The following KCNIP4 variants were observed in gnomAD, a reference collection of about 807,000 sequenced individuals.
The protein encoded by KCNIP4 is potassium voltage-gated channel interacting protein 4.
KCNIP4 carries 12 observed loss-of-function variants against 34.0 expected under a neutral mutation model. The ratio of observed to expected loss-of-function variants is 0.35; its 90% CI spans 0.23 to 0.57. KCNIP4 has a LOEUF of 0.57. Among genes scored for constraint, KCNIP4 ranks in the 20% least tolerant of loss-of-function variants. KCNIP4 has a pLI of 0.83. For missense variants in KCNIP4, 238 were observed against 311.7 expected (o/e 0.76, Z 1.78); for synonymous variants, 124 against 102.2 (o/e 1.21, Z -1.29).
intron 1 of KCNIP4, among the ~76,000 whole-genome samples, chr4:21,371,989 G>A (rs1486280468): frequency 6.8e-6 from 1 of 146,726 alleles, no homozygotes; most frequent in Non-Finnish European, 1.5e-5. Flanking sequence ...AACACAATGG[G>A]GATCTCCATA....
intron 1 of KCNIP4, among the ~76,000 whole-genome samples, chr4:21,430,573 T>A (rs1726352821): frequency 6.6e-6 from 1 of 152,134 alleles, no homozygotes; most frequent in South Asian, 2.1e-4. Context: ...TTTAAAAATA[T>A]CACTCAAGTA....
At chr4:21,458,331 T>C (rs1254456661) in intron 1 of KCNIP4, among the ~76,000 whole-genome samples, 1 of 151,932 alleles carries the variant, frequency 6.6e-6, no homozygotes. Flanking sequence ...ACTCATCATA[T>C]TTTATGGCTG....
At chr4:21,671,827 G>A (rs1749522945) in intron 1 of KCNIP4, among the ~76,000 whole-genome samples, 1 of 152,038 alleles carries the variant, frequency 6.6e-6, no homozygotes, top group Non-Finnish European at 1.5e-5. Flanking sequence ...TGATTCCAAG[G>A]AAAAAAGTTA....
intron 1 of KCNIP4, among the ~76,000 whole-genome samples, chr4:21,925,520 T>A (rs1193588332): frequency 1.3e-5 from 2 of 152,276 alleles, no homozygotes; most frequent in East Asian, 1.9e-4. Flanking sequence ...TCTTTGCTAT[T>A]GTGAATAGTG....
chr4:21,701,632 T>G (rs1652469346), intron 1 of KCNIP4, among the ~76,000 whole-genome samples: 1 of 152,172 alleles, frequency 6.6e-6, no homozygotes, highest in African/African-American at 2.4e-5. Flanking sequence ...TTTAGATATA[T>G]TAGAATGTAG....
intron 1 of KCNIP4, among the ~76,000 whole-genome samples, chr4:21,610,177 A>G (rs1216127109): frequency 5.3e-5 from 8 of 152,366 alleles, no homozygotes. Context: ...GTAACAAAAC[A>G]CTACAGAGTG....
intron 1 of KCNIP4, among the ~76,000 whole-genome samples, chr4:21,036,588 T>C (rs769703402): frequency 2.0e-5 from 3 of 152,116 alleles, no homozygotes; most frequent in African/African-American, 7.2e-5. Context: ...TAGCTGGGCA[T>C]GGGGGTGTGT....
intron 3 of KCNIP4, among the ~76,000 whole-genome samples, chr4:20,769,036 C>G (rs999213696): frequency 2.7e-5 from 4 of 147,640 alleles, no homozygotes; most frequent in Non-Finnish European, 5.9e-5. Context: ...TGCCCTCTAA[C>G]CATATGGAAG....
intron 1 of KCNIP4, among the ~76,000 whole-genome samples, chr4:21,467,997 A>G (rs1730139301): frequency 8.4e-6 from 1 of 118,644 alleles, no homozygotes; most frequent in African/African-American, 2.8e-5. Flanking sequence ...GCTGGCACTG[A>G]TGGGAACAAA....
At chr4:21,464,690 C>G (rs907875167) in intron 1 of KCNIP4, 2 of 151,952 alleles carry the variant, frequency 1.3e-5, no homozygotes, top group African/African-American at 4.8e-5. Flanking sequence ...TAGTTGGTGT[C>G]TATCACATCT....
chr4:21,610,185 G>T (rs1375519078), intron 1 of KCNIP4, among the ~76,000 whole-genome samples: 1 of 152,266 alleles, frequency 6.6e-6, no homozygotes, highest in Non-Finnish European at 1.5e-5. Context: ...ACACTACAGA[G>T]TGAATGGATA....
chr4:20,930,057 A>T (rs190863243), intron 1 of KCNIP4, among the ~76,000 whole-genome samples: 182 of 152,174 alleles, frequency 1.2e-3, no homozygotes, highest in African/African-American at 4.2e-3. Flanking sequence ...ACATAAAAAC[A>T]GAATAGGCAA....
At chr4:21,847,378 T>C (rs1265929466) in intron 1 of KCNIP4, 1 of 152,136 alleles carries the variant, frequency 6.6e-6, no homozygotes, top group African/African-American at 2.4e-5. Context: ...AGATGTACTT[T>C]TAACATCACA....
chr4:20,738,245 T>C (rs978449360), intron 5 of KCNIP4, among the ~76,000 whole-genome samples: 3 of 152,318 alleles, frequency 2.0e-5, no homozygotes, highest in Non-Finnish European at 4.4e-5. Context: ...ATGAGATTGA[T>C]TGTTATCAAT....
At chr4:21,242,657 G>A (rs1480678820) in intron 1 of KCNIP4, among the ~76,000 whole-genome samples, 1 of 152,084 alleles carries the variant, frequency 6.6e-6, no homozygotes, top group Non-Finnish European at 1.5e-5. Flanking sequence ...TCTCTTGCCT[G>A]CCTTTCCTAG....
chr4:21,657,951 T>C (rs1004449837), intron 1 of KCNIP4, among the ~76,000 whole-genome samples: 1 of 152,030 alleles, frequency 6.6e-6, no homozygotes, highest in African/African-American at 2.4e-5. Context: ...GCAATTCTCC[T>C]GCCTCAGCTT....
At chr4:21,271,129 G>T (rs1422154066) in intron 1 of KCNIP4, among the ~76,000 whole-genome samples, 1 of 152,072 alleles carries the variant, frequency 6.6e-6, no homozygotes, top group Non-Finnish European at 1.5e-5. Context: ...CTGAAATACT[G>T]GTACTTTCCA....
chr4:20,833,741 C>T (rs1026570135), intron 3 of KCNIP4, among the ~76,000 whole-genome samples: 7 of 152,200 alleles, frequency 4.6e-5, no homozygotes, highest in African/African-American at 1.7e-4. Flanking sequence ...ACACACAGTG[C>T]AGTTAATACA....
intron 3 of KCNIP4, among the ~76,000 whole-genome samples, chr4:20,782,763 C>T (rs1038560808): frequency 6.6e-6 from 1 of 152,152 alleles, no homozygotes; most frequent in African/African-American, 2.4e-5. Context: ...GACACTTTCC[C>T]CATTGTCTTG....
Sources: allele counts gnomAD v4.1 joint callset (sites outside exome capture counted in the v4.1 genomes callset), GRCh38; gene constraint gnomAD v4.1.1; transcripts MANE v1.5; gene names NCBI Gene and HGNC (gene_info 2026-07-23, HGNC 2026-07-21).